The following ZNF385D variants were observed in gnomAD, a reference collection of about 807,000 sequenced individuals.
The protein encoded by ZNF385D is zinc finger protein 659.
A neutral mutation model predicts 35.8 loss-of-function variants in ZNF385D; 15 were observed. The observed-to-expected ratio is 0.42, with a 90% CI of 0.28 to 0.64. The LOEUF is 0.64. ZNF385D is among the 30% of genes least tolerant of loss of function. ZNF385D has a pLI of 0.23. For missense variants in ZNF385D, 474 were observed against 494.6 expected (o/e 0.96, Z 0.39); for synonymous variants, 212 against 186.8 (o/e 1.13, Z -1.10).
At chr3:21,702,560 A>C (rs186199533) in intron 1 of ZNF385D, among the ~76,000 whole-genome samples, 1 of 152,380 alleles carries the variant, frequency 6.6e-6, no homozygotes, top group African/African-American at 2.4e-5. Flanking sequence ...AAATTTCTGC[A>C]GCCAGCTTGA....
intron 2 of ZNF385D, among the ~76,000 whole-genome samples, chr3:22,264,586 T>C (rs1700801366): frequency 6.6e-6 from 1 of 151,996 alleles, no homozygotes; most frequent in African/African-American, 2.4e-5. Flanking sequence ...TTCACTTCCT[T>C]GCTTCATTTA....
chr3:22,084,177 A>G (rs1004512719), intron 3 of ZNF385D, among the ~76,000 whole-genome samples: 25 of 152,314 alleles, frequency 1.6e-4, no homozygotes, highest in African/African-American at 5.8e-4. Flanking sequence ...GCATCAACTA[A>G]CGGGCAAAAT....
intron 3 of ZNF385D, among the ~76,000 whole-genome samples, chr3:22,143,157 A>T (rs923364187): frequency 2.7e-5 from 4 of 147,912 alleles, no homozygotes; most frequent in Non-Finnish European, 4.4e-5. Flanking sequence ...ATCTCCGCTC[A>T]CTCTAAGCTC....
intron 4 of ZNF385D, among the ~76,000 whole-genome samples, chr3:21,454,392 A>T (rs1034805220): frequency 6.6e-6 from 1 of 152,140 alleles, no homozygotes; most frequent in Non-Finnish European, 1.5e-5. Flanking sequence ...ATTTCCTTGC[A>T]GTGGCCAAAG....
At chr3:21,938,025 C>G (rs754840498) in intron 3 of ZNF385D, among the ~76,000 whole-genome samples, 5 of 152,180 alleles carry the variant, frequency 3.3e-5, no homozygotes, top group Non-Finnish European at 5.9e-5. Context: ...TGCGAAATCT[C>G]TACGTAACAA....
At chr3:21,738,149 G>A (rs1265951342) in intron 1 of ZNF385D, among the ~76,000 whole-genome samples, 1 of 152,190 alleles carries the variant, frequency 6.6e-6, no homozygotes, top group Non-Finnish European at 1.5e-5. Flanking sequence ...TTTTGTTTGT[G>A]CATTGGTTCT....
At chr3:22,151,435 T>C (rs182182737) in intron 3 of ZNF385D, among the ~76,000 whole-genome samples, 122 of 152,270 alleles carry the variant, frequency 8.0e-4, no homozygotes, top group Middle Eastern at 3.4e-3. Flanking sequence ...TAATTAGAGT[T>C]TGAATAGAGA....
chr3:21,550,919 A>T (rs1244266450), intron 3 of ZNF385D, among the ~76,000 whole-genome samples: 1 of 152,236 alleles, frequency 6.6e-6, no homozygotes, highest in Non-Finnish European at 1.5e-5. Context: ...TTTATCAAAC[A>T]GTTCCCCAAC....
At chr3:21,957,413 G>C (rs1702350407) in intron 3 of ZNF385D, among the ~76,000 whole-genome samples, 1 of 152,124 alleles carries the variant, frequency 6.6e-6, no homozygotes, top group Non-Finnish European at 1.5e-5. Context: ...GGAAAGTTTG[G>C]AACTTTCTGT....
In ZNF385D at chr3:21,938,976, A is replaced by G. The variant is rs60467886; in HGVS notation, c.325+229841T>C. Among the ~76,000 whole-genome samples, 380 of 152,350 alleles carry G rather than the reference A, an allele frequency of 2.5e-3. 1 individual carries two copies. The highest frequency in any genetic ancestry group is 8.7e-3 in the African/African-American group (360 of 41,582). On this transcript the variant is annotated intron_variant, in intron 3 of 5. Transcript: ENST00000494108. ...TGTGAAGTCTTCCAGTTCAAGGCCC[A>G]TCTTTTGTGCTTCCTGGTATCTGGA...
intron 2 of ZNF385D, among the ~76,000 whole-genome samples, chr3:22,225,970 T>TC (rs1403983765): frequency 3.3e-5 from 5 of 152,146 alleles, no homozygotes; most frequent in Non-Finnish European, 7.3e-5. Flanking sequence ...TGTAAGCCAC[T>TC]CCCTCAATCT....
chr3:22,094,384 T>TTATATATATATATA (rs1553606509), intron 3 of ZNF385D, among the ~76,000 whole-genome samples: 1 of 104,164 alleles, frequency 9.6e-6, no homozygotes, highest in African/African-American at 3.4e-5. Context: ...CATTTATTGT[T>TTATATATATATATA]GATATATATA....
At chr3:22,103,344 C>G (rs1702040896) in intron 3 of ZNF385D, among the ~76,000 whole-genome samples, 1 of 151,878 alleles carries the variant, frequency 6.6e-6, no homozygotes, top group Admixed American at 6.6e-5. Context: ...ATTTTTCAGT[C>G]AATTTTTGAT....
At chr3:21,950,524 T>C (rs1431305237) in intron 3 of ZNF385D, among the ~76,000 whole-genome samples, 1 of 151,830 alleles carries the variant, frequency 6.6e-6, no homozygotes, top group East Asian at 1.9e-4. Flanking sequence ...TGATGATAGT[T>C]TCTTTTGCTG....
At chr3:21,748,444 C>G (rs542240039) in intron 1 of ZNF385D, among the ~76,000 whole-genome samples, 12 of 152,140 alleles carry the variant, frequency 7.9e-5, no homozygotes, top group Non-Finnish European at 1.6e-4. Context: ...GGGGGCAACA[C>G]TGACAAATCA....
chr3:22,074,202 T>C (rs1700360969), intron 3 of ZNF385D, among the ~76,000 whole-genome samples: 1 of 151,836 alleles, frequency 6.6e-6, no homozygotes, highest in South Asian at 2.1e-4. Context: ...AATTTGTCTG[T>C]GCCAGCTCAT....
At chr3:21,745,239 C>T (rs2069711201) in intron 1 of ZNF385D, among the ~76,000 whole-genome samples, 2 of 152,120 alleles carry the variant, frequency 1.3e-5, no homozygotes, top group Admixed American at 6.6e-5. Context: ...TCTTTTTCCT[C>T]TCCACTTACA....
chr3:21,983,454 G>A (rs1694625476), intron 3 of ZNF385D, among the ~76,000 whole-genome samples: 1 of 111,736 alleles, frequency 8.9e-6, no homozygotes, highest in Admixed American at 9.8e-5. Context: ...TGAGAATGAT[G>A]GTTTCCAATT....
intron 3 of ZNF385D, among the ~76,000 whole-genome samples, chr3:21,980,408 T>C (rs938705722): frequency 6.6e-6 from 1 of 152,144 alleles, no homozygotes; most frequent in Non-Finnish European, 1.5e-5. Flanking sequence ...TACATAAAAG[T>C]AGATAATAAT....
Sources: gnomAD v4.1 joint callset for allele counts (sites outside exome capture counted in the v4.1 genomes callset) on GRCh38, gnomAD v4.1.1 for gene constraint, MANE v1.5 for transcripts, NCBI Gene and HGNC (gene_info 2026-07-23, HGNC 2026-07-21) for gene names.